LINGO2: variants seen among roughly 807,000 people sequenced by gnomAD.
LINGO2 encodes leucine rich repeat and Ig domain containing 2.
In LINGO2, 14 loss-of-function variants were observed where a neutral mutation model predicts 30.6. That is an observed-to-expected ratio of 0.46 (90% CI 0.30 to 0.72). The LOEUF (loss-of-function observed/expected upper bound fraction) is 0.72, where lower values mean the gene tolerates loss of function less well. LINGO2 is among the 30% of genes least tolerant of loss of function. LINGO2 has a pLI of 0.07. For missense variants in LINGO2, 729 were observed against 751.7 expected, an observed-to-expected ratio of 0.97 and a Z score of 0.35; for synonymous variants, 317 against 288.5, an observed-to-expected ratio of 1.10 and a Z score of -1.00.
chr9:28,943,496 G>C, the LINGO2 span, among the ~76,000 whole-genome samples: 3 of 152,152 alleles, frequency 2.0e-5, no homozygotes, highest in African/African-American at 7.2e-5. Flanking sequence ...CTTGGGAGAA[G>C]CTTTAAGGCA....
At chr9:29,068,267 G>T in the LINGO2 span, among the ~76,000 whole-genome samples, 5 of 151,720 alleles carry the variant, frequency 3.3e-5, no homozygotes, top group Non-Finnish European at 7.4e-5. Context: ...AGATATATCA[G>T]TAGGCAAAGG....
the LINGO2 span, among the ~76,000 whole-genome samples, chr9:28,830,414 T>A: frequency 6.6e-6 from 1 of 152,140 alleles, no homozygotes. Flanking sequence ...TGCTAAGAAG[T>A]GTGGGTTTTA....
At chr9:29,126,429 C>T in the LINGO2 span, among the ~76,000 whole-genome samples, 2 of 151,978 alleles carry the variant, frequency 1.3e-5, no homozygotes, top group South Asian at 2.1e-4. Flanking sequence ...TAAATGTAAC[C>T]TTATGATGCT....
the LINGO2 span, among the ~76,000 whole-genome samples, chr9:29,027,393 A>T: frequency 6.6e-6 from 1 of 152,148 alleles, no homozygotes; most frequent in South Asian, 2.1e-4. Context: ...GCTGGAGTGC[A>T]ATGGCAGAAT....
At chr9:28,047,005 G>A (rs1476113476) in intron 4 of LINGO2, among the ~76,000 whole-genome samples, 7 of 152,100 alleles carry the variant, frequency 4.6e-5, no homozygotes, top group Non-Finnish European at 1.0e-4. Context: ...TGCTGCTGCT[G>A]GGAATAGGCC....
At chr9:28,089,640 T>C (rs541757714) in intron 4 of LINGO2, among the ~76,000 whole-genome samples, 5 of 151,832 alleles carry the variant, frequency 3.3e-5, no homozygotes, top group African/African-American at 9.7e-5. Flanking sequence ...CAACCTAACA[T>C]CACAATGAAA....
chr9:27,949,931 G>T lies in LINGO2; in HGVS notation c.741C>A (p.Tyr247Ter). ...CTGAAAGGGATGTGAGGTTGAGACC[G>T]TAGAGGCTATTGGCAGGCATCATAT... The change falls in exon 6 of 6, where the codon TAC (tyrosine) becomes TAA (stop). Residue 247 changes from tyrosine to a stop codon, truncating the protein, a stop_gained. Coordinates refer to ENST00000379992, the Ensembl canonical transcript of LINGO2. LOFTEE classifies it high-confidence loss of function. 6.2e-7 allele frequency: 1 copy of T among 1,614,088 alleles called. No individual in the cohort carries two copies. Among genetic ancestry groups the T allele is most frequent in the Admixed American group, 1.7e-5 (1 of 60,014 alleles).
the LINGO2 span, among the ~76,000 whole-genome samples, chr9:29,188,840 C>A: frequency 1.5e-5 from 2 of 136,280 alleles, no homozygotes; most frequent in South Asian, 2.4e-4. Flanking sequence ...CTGACCCCCC[C>A]GCCACCTTCC....
intron 4 of LINGO2, among the ~76,000 whole-genome samples, chr9:28,042,288 G>A (rs1445128072): frequency 6.6e-6 from 1 of 152,116 alleles, no homozygotes; most frequent in African/African-American, 2.4e-5. Context: ...TAATCTCCAT[G>A]ACTATCACCC....
chr9:29,128,653 C>T, the LINGO2 span, among the ~76,000 whole-genome samples: 1 of 151,934 alleles, frequency 6.6e-6, no homozygotes, highest in Non-Finnish European at 1.5e-5. Flanking sequence ...ACTGCTTTAC[C>T]CAAAATTTTG....
chr9:28,053,468 A>G (rs1285670879), intron 4 of LINGO2, among the ~76,000 whole-genome samples: 1 of 152,144 alleles, frequency 6.6e-6, no homozygotes, highest in African/African-American at 2.4e-5. Flanking sequence ...TTGTTTATTC[A>G]CATCTTGACA....
the LINGO2 span, among the ~76,000 whole-genome samples, chr9:28,959,461 C>T: frequency 6.6e-6 from 1 of 151,594 alleles, no homozygotes; most frequent in African/African-American, 2.4e-5. Context: ...AAGATGTGGA[C>T]AAAATAAGGA....
intron 3 of LINGO2, among the ~76,000 whole-genome samples, chr9:28,351,035 C>A (rs886438312): frequency 9.9e-5 from 15 of 152,002 alleles, no homozygotes; most frequent in African/African-American, 3.6e-4. Flanking sequence ...TAAATGCCCA[C>A]AAGAGAAAGC....
chr9:28,398,119 T>C (rs904974373), intron 2 of LINGO2, among the ~76,000 whole-genome samples: 14 of 152,188 alleles, frequency 9.2e-5, no homozygotes, highest in Admixed American at 7.9e-4. Context: ...GTCAGTGTTA[T>C]GATTACCCTG....
At chr9:28,740,425 G>C in the LINGO2 span, among the ~76,000 whole-genome samples, 1,699 of 151,834 alleles carry the variant, frequency 0.011, 10 homozygotes, top group Middle Eastern at 0.017. Context: ...TATTTTAGGA[G>C]TCAGTTGACA....
chr9:29,086,725 C>T, the LINGO2 span, among the ~76,000 whole-genome samples: 2 of 152,124 alleles, frequency 1.3e-5, no homozygotes, highest in African/African-American at 2.4e-5. Flanking sequence ...TCTTCTCAGA[C>T]ACAGATAAGA....
At chr9:28,496,633 T>C (rs1819640547) in intron 1 of LINGO2, among the ~76,000 whole-genome samples, 1 of 152,180 alleles carries the variant, frequency 6.6e-6, no homozygotes, top group South Asian at 2.1e-4. Context: ...CTGTGTCTTT[T>C]AATTAGAGCA....
chr9:28,226,542 T>C (rs529664270), intron 4 of LINGO2, among the ~76,000 whole-genome samples: 1 of 146,212 alleles, frequency 6.8e-6, no homozygotes, highest in South Asian at 2.2e-4. Flanking sequence ...AGAAGAGAAA[T>C]AGAACACATC....
At chr9:29,151,760 G>A in the LINGO2 span, among the ~76,000 whole-genome samples, 3 of 152,074 alleles carry the variant, frequency 2.0e-5, no homozygotes, top group Non-Finnish European at 4.4e-5. Flanking sequence ...AATTATTCTT[G>A]ACCTACAATA....
Sources: allele counts gnomAD v4.1 joint callset (sites outside exome capture counted in the v4.1 genomes callset), GRCh38; gene constraint gnomAD v4.1.1; transcripts MANE v1.5; gene names NCBI Gene and HGNC (gene_info 2026-07-23, HGNC 2026-07-21).